IFT81: variants seen among roughly 807,000 people sequenced by gnomAD.
IFT81 encodes the protein intraflagellar transport 81, also known as intraflagellar transport protein 81 homolog.
In IFT81, 72 loss-of-function variants were observed where a neutral mutation model predicts 102.6. The observed-to-expected ratio is 0.70, with a 90% CI of 0.58 to 0.85. The LOEUF (loss-of-function observed/expected upper bound fraction) is 0.85. Among genes scored for constraint, IFT81 ranks in the 40% least tolerant of loss-of-function variants. The pLI is 0.00. For synonymous variants in IFT81, 237 were observed against 242.7 expected (o/e 0.98, Z 0.22); for missense variants, 723 against 787.3 (o/e 0.92, Z 0.98).
intron 18 of IFT81, among the ~76,000 whole-genome samples, chr12:110,211,999 G>A (rs573218836): frequency 1.6e-4 from 25 of 152,052 alleles, no homozygotes; most frequent in Non-Finnish European, 2.2e-4. Context: ...CTTCATTTCC[G>A]TCTTAATATG....
intron 5 of IFT81, among the ~76,000 whole-genome samples, chr12:110,133,292 C>A (rs2137312638): frequency 6.6e-6 from 1 of 151,980 alleles, no homozygotes; most frequent in East Asian, 1.9e-4. Context: ...CTTGTTTAAT[C>A]ATATTTTCTA....
chr12:110,187,406 G>A (rs767379255), intron 12 of IFT81, among the ~76,000 whole-genome samples: 2 of 152,094 alleles, frequency 1.3e-5, no homozygotes, highest in Non-Finnish European at 1.5e-5. Flanking sequence ...TGGGACTACA[G>A]GCACCCACCA....
intron 15 of IFT81, 86 bp downstream of exon 15, chr12:110,204,036 AG>A: frequency 4.9e-6 from 4 of 823,638 alleles, no homozygotes; most frequent in Non-Finnish European, 8.0e-6. Flanking sequence ...AGGCTGAAGC[AG>A]GAGGATTGCT....
chr12:110,127,303 T>A (rs1893902646), intron 1 of IFT81, 57 bp from the exon 2 acceptor site: 1 of 1,370,788 alleles, frequency 7.3e-7, no homozygotes, highest in Non-Finnish European at 9.5e-7. Flanking sequence ...TTCTGGTTTT[T>A]ACCCAGGACT....
chr12:110,184,212 T>C (rs1897422827), intron 12 of IFT81, among the ~76,000 whole-genome samples: 2 of 151,976 alleles, frequency 1.3e-5, no homozygotes, highest in South Asian at 4.2e-4. Flanking sequence ...TATCCGGGCG[T>C]GGTGGCGGGC....
chr12:110,209,269 G>A, intron 18 of IFT81, 53 bp downstream of exon 18: 1 of 874,518 alleles, frequency 1.1e-6, no homozygotes, highest in Non-Finnish European at 1.8e-6. Flanking sequence ...CAGGCTTTCA[G>A]TACTGTACAT....
In IFT81 at chr12:110,143,499, C is replaced by CT. The variant is rs776017535; in HGVS notation, c.899_900insT (p.Glu301ArgfsTer8). ...TTACATTTTTTACAAAAAGTAGTTT[C>CT]AGAGCCAGCTATGGGCCATTCTGAT... On this transcript the variant is annotated frameshift_variant, in exon 9 of 19. Transcript: ENST00000242591. LOFTEE classifies it high-confidence loss of function. The CT allele has an allele frequency of 7.5e-5, 116 of 1,550,260 alleles. No individual in the cohort carries two copies. Among genetic ancestry groups the CT allele is most frequent in the Non-Finnish European group, 9.7e-5 (113 of 1,159,940 alleles).
Position 110,190,926 on chromosome 12 carries a change from A to G in IFT81, c.1345A>G (p.Met449Val), listed in dbSNP as rs778372751. The change falls in exon 13 of 19, where the codon ATG becomes GTG. Residue 449 changes from methionine (M) to valine (V), a missense_variant. Coordinates refer to ENST00000242591, the MANE Select transcript of IFT81 (RefSeq NM_014055.4). ...TTTTATTTTTTACTTATAGCAAACT[A>G]TGGAGGAGAAAAAGGGTATATCTGG... is the stretch of plus-strand genomic sequence containing the variant. ...HENIQQQLQT[M>V]EEKKGISGYS... The G allele has an allele frequency of 1.9e-6, 3 of 1,552,046 alleles. No individual in the cohort carries two copies. Among genetic ancestry groups the G allele is most frequent in the Middle Eastern group, 1.7e-4 (1 of 5,806 alleles).
At chr12:110,217,342 G>A (rs1430654407) in intron 18 of IFT81, among the ~76,000 whole-genome samples, 6 of 152,212 alleles carry the variant, frequency 3.9e-5, no homozygotes, top group East Asian at 3.9e-4. Flanking sequence ...ACCATGCCTG[G>A]TCTATTAACC....
At chr12:110,201,740 C>T (rs1482080612) in intron 14 of IFT81, among the ~76,000 whole-genome samples, 3 of 152,112 alleles carry the variant, frequency 2.0e-5, no homozygotes, top group Non-Finnish European at 4.4e-5. Flanking sequence ...TGCCACCACA[C>T]CCAGGCTTTT....
intron 14 of IFT81, among the ~76,000 whole-genome samples, chr12:110,196,027 G>C (rs1012646639): frequency 2.6e-5 from 4 of 152,258 alleles, no homozygotes; most frequent in Middle Eastern, 3.4e-3. Flanking sequence ...ATCAGATCAG[G>C]CTTATAAAAG....
intron 3 of IFT81, among the ~76,000 whole-genome samples, chr12:110,128,519 G>C (rs748421980): frequency 6.6e-6 from 1 of 151,646 alleles, no homozygotes; most frequent in African/African-American, 2.4e-5. Context: ...GCCAGGCATG[G>C]TAGCTCACAC....
intron 10 of IFT81, among the ~76,000 whole-genome samples, chr12:110,155,125 T>G (rs1416015377): frequency 6.6e-6 from 1 of 152,220 alleles, no homozygotes; most frequent in Admixed American, 6.5e-5. Flanking sequence ...AATAATGTCC[T>G]TCTTTGTCTC....
rs1465232114 is a variant in IFT81, at chr12:110,124,408, G to T, written c.-475G>T. 6.6e-6 allele frequency: 1 copy of T among 152,096 alleles called. No individual in the cohort carries two copies. The highest frequency in any genetic ancestry group is 1.5e-5 in the Non-Finnish European group (1 of 68,144). 9.4% of individuals were successfully genotyped at this position (152,096 alleles called of 1,614,324 possible). Reference sequence around the variant, plus strand: ...CGGTCTAGAGCCCGGGCGCCTCCTGGGGGGTGGGGAAACGGTTTCGTGAGG... The same window carrying T: ...CGGTCTAGAGCCCGGGCGCCTCCTGTGGGGTGGGGAAACGGTTTCGTGAGG... On this transcript the variant is annotated 5_prime_UTR_variant, in exon 1 of 19. Transcript: ENST00000242591.
intron 17 of IFT81, among the ~76,000 whole-genome samples, chr12:110,206,261 T>C (rs1056880309): frequency 6.6e-6 from 1 of 152,130 alleles, no homozygotes; most frequent in African/African-American, 2.4e-5. Flanking sequence ...TTAGTCCTTA[T>C]ATGGTGCTTT....
chr12:110,192,811 T>C (rs529773235), intron 14 of IFT81, 105 bp downstream of exon 14: 2 of 635,248 alleles, frequency 3.1e-6, no homozygotes, highest in South Asian at 1.9e-5. Flanking sequence ...TTGGGTAATA[T>C]AGAAAACAAA....
rs866734477 is a variant in IFT81, at chr12:110,205,458, C to T, written c.1660C>T (p.Arg554Cys). The T allele has an allele frequency of 4.4e-6, 7 of 1,600,392 alleles. No individual in the cohort carries two copies. Among genetic ancestry groups the T allele is most frequent in the African/African-American group, 1.4e-5 (1 of 73,960 alleles). The change falls in exon 16 of 19, where the codon CGT (arginine) becomes TGT (cysteine). Residue 554 changes from arginine (R) to cysteine (C), a missense_variant. Transcript: ENST00000242591. ...TATATTATAGGAAGTTAGAAGACTC[C>T]GTGAAGAATGTCTTCAAGAAGAAAG... is the stretch of plus-strand genomic sequence containing the variant. ...SKLEQEVRRLREECLQEESRY... is the reference protein window; with the variant it reads ...SKLEQEVRRLCEECLQEESRY...
At chr12:110,196,276 T>C (rs1897997232) in intron 14 of IFT81, among the ~76,000 whole-genome samples, 1 of 152,176 alleles carries the variant, frequency 6.6e-6, no homozygotes. Flanking sequence ...CCTAGCACTT[T>C]GGGAGGCGAA....
chr12:110,151,454 A>T (rs1895523407), intron 10 of IFT81, among the ~76,000 whole-genome samples: 1 of 152,060 alleles, frequency 6.6e-6, no homozygotes. Context: ...GGTTGTTTTC[A>T]CTTTTTGGCT....
Sources: gnomAD v4.1 joint callset for allele counts (sites outside exome capture counted in the v4.1 genomes callset) on GRCh38, gnomAD v4.1.1 for gene constraint, MANE v1.5 for transcripts, NCBI Gene and HGNC (gene_info 2026-07-23, HGNC 2026-07-21) for gene names.